SEMA4D: variants seen among roughly 807,000 people sequenced by gnomAD.
SEMA4D encodes semaphorin 4D.
SEMA4D carries 22 observed loss-of-function variants against 74.8 expected under a neutral mutation model. The ratio of observed to expected loss-of-function variants is 0.29; its 90% CI spans 0.21 to 0.42. The LOEUF (loss-of-function observed/expected upper bound fraction) is 0.42, where lower values mean the gene tolerates loss of function less well. SEMA4D is among the 10% of genes least tolerant of loss of function. The probability of loss-of-function intolerance (pLI) is 1.00; values close to 1 mark genes in which losing one functional copy is unlikely to be tolerated. For synonymous variants in SEMA4D, 445 were observed against 463.7 expected (o/e 0.96, Z 0.52); for missense variants, 937 against 1,118.4 (o/e 0.84, Z 2.31).
At chr9:89,413,464 G>A (rs991161248) in intron 2 of SEMA4D, among the ~76,000 whole-genome samples, 1 of 152,268 alleles carries the variant, frequency 6.6e-6, no homozygotes, top group African/African-American at 2.4e-5. Flanking sequence ...CTGTGTGTAT[G>A]CATCTGTGTA....
At chr9:89,419,445 G>A (rs997543603) in intron 2 of SEMA4D, among the ~76,000 whole-genome samples, 2 of 152,158 alleles carry the variant, frequency 1.3e-5, no homozygotes, top group African/African-American at 4.8e-5. Context: ...GCTACTGTGG[G>A]CACCTGCAAA....
rs763158104 is a variant in SEMA4D, at chr9:89,387,611, G to A, written c.1108-3C>T. 6.2e-7 allele frequency: 1 copy of A among 1,613,598 alleles called. No homozygotes were observed. Among genetic ancestry groups the A allele is most frequent in the South Asian group, 1.1e-5 (1 of 91,064 alleles). On this transcript the variant is annotated splice_region_variant and splice_polypyrimidine_tract_variant and intron_variant, in intron 11 of 15. Transcript: ENST00000422704. ...GCCCGTGCCTCGCTGTCGATGCACTGCAGGGAGAAAATCCCCGCTGTTAAC... is the reference window on the plus strand; with the variant it reads ...GCCCGTGCCTCGCTGTCGATGCACTACAGGGAGAAAATCCCCGCTGTTAAC...
chr9:89,449,553 G>C (rs1198295638), intron 2 of SEMA4D: 11 of 785,424 alleles, frequency 1.4e-5, no homozygotes, highest in Non-Finnish European at 2.6e-5. Context: ...GGTGGTGGCA[G>C]GAAGATGTCA....
In SEMA4D at chr9:89,381,086, C is replaced by T. The variant is rs1836930393; in HGVS notation, c.1632G>A (p.Gln544=). The change falls in exon 15 of 16, where the codon CAG becomes CAA. Residue 544 remains glutamine, a synonymous_variant. Transcript: ENST00000422704. This position sits in a 1 kb window ranked among gnomAD's most constrained non-coding sequence, Gnocchi z 4.6. The stretch of plus-strand genomic sequence containing the variant: ...ACACAGAAGCATCGCCGCTCATCTC[C>T]TGAATCAAACCCCTGCAAAACAACC... ...QTESPSRGLI[Q]EMSGDASVCP... is the part of the protein sequence containing the mutation. 1 of 1,614,036 alleles carries T rather than the reference C, an allele frequency of 6.2e-7. No homozygotes were observed. The highest frequency in any genetic ancestry group is 1.3e-5 in the African/African-American group (1 of 74,948).
At chr9:89,446,943 A>C (rs1019274065) in intron 2 of SEMA4D, among the ~76,000 whole-genome samples, 1 of 152,134 alleles carries the variant, frequency 6.6e-6, no homozygotes, top group African/African-American at 2.4e-5. Context: ...AGACTGCAGG[A>C]GATAAGAGGA....
At chr9:89,404,383 C>T (rs1419821429) in intron 3 of SEMA4D, among the ~76,000 whole-genome samples, 2 of 152,182 alleles carry the variant, frequency 1.3e-5, no homozygotes, top group African/African-American at 4.8e-5. Flanking sequence ...AGGAGGTCTG[C>T]ACGAGCCTTG....
In SEMA4D at chr9:89,377,659, G is replaced by C. The variant is rs1205789595; in HGVS notation, c.*1045C>G. Reference sequence around the variant, plus strand: ...GAAAGTCTGGGCAGGCAGTGGGTAAGCAATTGAAGCAAGAAGAGAAAGGAG... The same window carrying C: ...GAAAGTCTGGGCAGGCAGTGGGTAACCAATTGAAGCAAGAAGAGAAAGGAG... On this transcript the variant is annotated 3_prime_UTR_variant, in exon 16 of 16. Coordinates refer to ENST00000422704, the MANE Select transcript of SEMA4D (RefSeq NM_001371194.2). 2 of 152,236 alleles carry C rather than the reference G, an allele frequency of 1.3e-5. No individual in the cohort carries two copies. The highest frequency in any genetic ancestry group is 4.8e-5 in the African/African-American group (2 of 41,432). 9.4% of individuals were successfully genotyped at this position (152,236 alleles called of 1,614,324 possible). A position where few individuals can be genotyped will look rare whatever the true frequency, so the allele number is the denominator to read the frequency against.
chr9:89,388,627 C>G lies in SEMA4D; in HGVS notation c.1107+9G>C. The stretch of plus-strand genomic sequence containing the variant: ...GAAAGCACGGCCCGCCCCCAGTGCC[C>G]CAGCTCACCGCTCCAGGCCGCGGCT... On this transcript the variant is annotated intron_variant, in intron 11 of 15. Transcript: ENST00000422704. 6.3e-7 allele frequency: 1 copy of G among 1,594,602 alleles called. No homozygotes were observed. The highest frequency in any genetic ancestry group is 8.5e-7 in the Non-Finnish European group (1 of 1,177,222).
chr9:89,390,629 G>A (rs185860975), intron 9 of SEMA4D, among the ~76,000 whole-genome samples: 1 of 152,314 alleles, frequency 6.6e-6, no homozygotes, highest in Non-Finnish European at 1.5e-5. Flanking sequence ...TTCCATGAGA[G>A]ACGAATGGCT....
At chr9:89,471,180 G>A (rs2135952707) in intron 1 of SEMA4D, among the ~76,000 whole-genome samples, 1 of 152,320 alleles carries the variant, frequency 6.6e-6, no homozygotes, top group East Asian at 1.9e-4. Flanking sequence ...GGTCCCTAGA[G>A]TAGTCAGTCA....
chr9:89,415,171 C>CAGACAA lies in SEMA4D; in HGVS notation c.-243-9473_-243-9472insTTGTCT, dbSNP rs1163625226. ...TCTTCAGACTTGGATACAGACAATA[C>CAGACAA]TGTCTTTTCTGGAGGGTGTGTGGTG... On this transcript the variant is annotated intron_variant, in intron 2 of 15. Coordinates refer to ENST00000422704, the MANE Select transcript of SEMA4D (RefSeq NM_001371194.2). 2.3e-3 allele frequency among the ~76,000 whole-genome samples: 353 copies of CAGACAA among 152,302 alleles called. 2 individuals carry two copies. The highest frequency in any genetic ancestry group is 7.7e-3 in the African/African-American group (319 of 41,564).
chr9:89,469,332 TCC>T (rs201622095), intron 1 of SEMA4D, among the ~76,000 whole-genome samples: 26,094 of 152,302 alleles, frequency 0.17, 6 homozygotes, highest in East Asian at 0.27. Flanking sequence ...AGAGATAGGT[TCC>T]TTACATGTTT....
intron 1 of SEMA4D, among the ~76,000 whole-genome samples, chr9:89,461,698 CTCTTTTTTT>C (rs1857247290): frequency 1.5e-5 from 1 of 67,944 alleles, no homozygotes; most frequent in South Asian, 7.1e-4. Flanking sequence ...TTTCTTTTTT[CTCTTTTTTT>C]TTTTTTTTTT....
intron 2 of SEMA4D, among the ~76,000 whole-genome samples, chr9:89,428,802 G>A (rs1490278416): frequency 2.0e-5 from 3 of 152,208 alleles, no homozygotes; most frequent in Non-Finnish European, 4.4e-5. Context: ...TCCCAGTATG[G>A]GCTGGCCATA....
chr9:89,467,877 G>A (rs952299187), intron 1 of SEMA4D, among the ~76,000 whole-genome samples: 1 of 152,174 alleles, frequency 6.6e-6, no homozygotes, highest in Non-Finnish European at 1.5e-5. Flanking sequence ...AGCAGAAGCA[G>A]GGAGAGCTGG....
At chr9:89,460,370 T>C (rs981576968) in intron 1 of SEMA4D, among the ~76,000 whole-genome samples, 1 of 152,260 alleles carries the variant, frequency 6.6e-6, no homozygotes, top group African/African-American at 2.4e-5. Context: ...TGTGATCTCA[T>C]GGTCAGCATG....
At position 89,378,011 on chromosome 9, in the gene SEMA4D, G is replaced by C. The variant is rs1263366414; in HGVS notation, c.*693C>G. ...AAGAAAAAAGGTGAGTGGGCTCCGG[G>C]GAGTGTTTATGTCTACATTTCTAAA... On this transcript the variant is annotated 3_prime_UTR_variant, in exon 16 of 16. Coordinates refer to ENST00000422704, the MANE Select transcript of SEMA4D (RefSeq NM_001371194.2). The C allele has an allele frequency of 1.3e-5, 2 of 152,310 alleles. No homozygotes were observed. Among genetic ancestry groups the C allele is most frequent in the Non-Finnish European group, 2.9e-5 (2 of 67,984 alleles). The allele number at this position is 152,310 out of a possible 1,614,324, so 9.4% of individuals were successfully genotyped here. A position where few individuals can be genotyped will look rare whatever the true frequency, so the allele number is the denominator to read the frequency against.
rs567955640 is a variant in SEMA4D at position 89,390,702 on chromosome 9, A to C, written c.774+562T>G. ...GGCTGTGTTTCATGTGGTTTCCCCC[A>C]GCTCCCCTGAGGCCTGACAATCCAC... On this transcript the variant is annotated intron_variant, in intron 9 of 15. Transcript: ENST00000422704. Among the ~76,000 whole-genome samples the C allele has an allele frequency of 7.6e-4, 116 of 152,216 alleles. 1 individual carries two copies. Among genetic ancestry groups the C allele is most frequent in the Admixed American group, 2.3e-3 (35 of 15,300 alleles).
At chr9:89,434,752 T>C (rs778565757) in intron 2 of SEMA4D, among the ~76,000 whole-genome samples, 8 of 152,160 alleles carry the variant, frequency 5.3e-5, no homozygotes, top group Non-Finnish European at 1.0e-4. Flanking sequence ...CCCAAGGTAC[T>C]AGGGCATCAT....
Sources: allele counts gnomAD v4.1 joint callset (sites outside exome capture counted in the v4.1 genomes callset), GRCh38; gene constraint gnomAD v4.1.1; non-coding constraint Gnocchi (gnomAD v3.1); transcripts MANE v1.5; gene names NCBI Gene and HGNC (gene_info 2026-07-23, HGNC 2026-07-21).